The following AKAP12 variants were observed in gnomAD, a reference collection of about 807,000 sequenced individuals.
AKAP12 encodes the protein A-kinase anchoring protein 12, also known as A-kinase anchor protein 12.
In AKAP12, 32 loss-of-function variants were observed where a neutral mutation model predicts 79.9. The ratio of observed to expected loss-of-function variants is 0.40; its 90% CI spans 0.30 to 0.54. The LOEUF is 0.54. Among genes scored for constraint, AKAP12 ranks in the 20% least tolerant of loss-of-function variants. The pLI is 0.48. For synonymous variants in AKAP12, 808 were observed against 857.0 expected (o/e 0.94, Z 1.00); for missense variants, 2,074 against 2,177.0 (o/e 0.95, Z 0.94).
intron 2 of AKAP12, among the ~76,000 whole-genome samples, chr6:151,262,166 G>A (rs1429720881): frequency 2.0e-5 from 3 of 152,010 alleles, no homozygotes; most frequent in East Asian, 3.9e-4. Context: ...GGTCACACTG[G>A]TCTCAGGTGA....
chr6:151,324,372 G>GT lies in AKAP12; in HGVS notation c.319+18473dup, dbSNP rs1159035059. 8.1e-6 allele frequency: 8 copies of GT among 985,278 alleles called. No individual in the cohort carries two copies. The African/African-American group carries it at 1.4e-4, about 17-fold the overall frequency. 61.0% of individuals were successfully genotyped at this position (985,278 alleles called of 1,614,324 possible). On this transcript the variant is annotated intron_variant, in intron 3 of 4. Transcript: ENST00000402676. Reference sequence around the variant, plus strand: ...AGGTCTGGTTACCAGCAAGGAAGCGGTTTTCACGTTGCTCACTCTGGGCCC... The same window carrying GT: ...AGGTCTGGTTACCAGCAAGGAAGCGGTTTTTCACGTTGCTCACTCTGGGCCC...
Position 151,242,252 on chromosome 6 carries a change from G to A in AKAP12, c.162+1528G>A, listed in dbSNP as rs1282630075. 2.6e-5 allele frequency among the ~76,000 whole-genome samples: 4 copies of A among 152,108 alleles called. No individual in the cohort carries two copies. The East Asian group carries it at 5.8e-4, about 22-fold the overall frequency. The stretch of plus-strand genomic sequence containing the variant: ...CCGCCCCGGCTTTTATACTCCTTCA[G>A]ATCTTACTAACTGTTCACCCTGAAA... On this transcript the variant is annotated intron_variant, in intron 2 of 4. Coordinates refer to ENST00000402676, the MANE Select transcript of AKAP12 (RefSeq NM_005100.4).
At chr6:151,291,684 T>C (rs1776624771) in intron 2 of AKAP12, among the ~76,000 whole-genome samples, 1 of 152,234 alleles carries the variant, frequency 6.6e-6, no homozygotes, top group African/African-American at 2.4e-5. Context: ...CTATTAAGCA[T>C]CCACGGACCC....
chr6:151,344,340 G>C (rs1343105644), intron 3 of AKAP12, among the ~76,000 whole-genome samples: 1 of 152,086 alleles, frequency 6.6e-6, no homozygotes, highest in East Asian at 1.9e-4. Flanking sequence ...CCCTTATTGA[G>C]TCTCTGAAGA....
intron 2 of AKAP12, among the ~76,000 whole-genome samples, chr6:151,260,247 TC>T (rs1797398885): frequency 2.0e-5 from 3 of 152,174 alleles, no homozygotes; most frequent in Admixed American, 6.6e-5. Flanking sequence ...CTGGTATCAT[TC>T]CCGTTTTTAA....
intron 2 of AKAP12, among the ~76,000 whole-genome samples, chr6:151,280,031 G>A (rs753163484): frequency 9.9e-5 from 13 of 131,188 alleles, no homozygotes; most frequent in Admixed American, 3.7e-4. Flanking sequence ...ATATCCTTTC[G>A]GTTGTTGTTT....
intron 3 of AKAP12, among the ~76,000 whole-genome samples, chr6:151,318,134 C>G (rs1274984276): frequency 4.6e-5 from 7 of 151,962 alleles, no homozygotes; most frequent in African/African-American, 1.7e-4. Flanking sequence ...AGGGTGGAGC[C>G]CTCATGAATG....
At position 151,349,518 on chromosome 6, in the gene AKAP12, A is replaced by C. The variant is rs781279265; in HGVS notation, c.1127A>C (p.Lys376Thr). Residue 376 changes from lysine (K) to threonine (T), a missense_variant, in exon 4 of 5, where the codon AAA (lysine) becomes ACA (threonine). Lys to Thr is a moderately conservative substitution (Grantham distance 78, BLOSUM62 -1). Around this residue, in one of 3 missense-constraint regions of AKAP12, gnomAD observed 1,428 missense variants for 1,451.0 expected, o/e 0.98. Transcript: ENST00000402676. ...CCCCGGTTATCAGCTGAATATGAGA[A>C]AGTTGAGCTGCCCTCAGAGGAGCAA... ...HEPRLSAEYE[K>T]VELPSEEQVS... 5.2e-5 allele frequency: 84 copies of C among 1,610,444 alleles called. No homozygotes were observed. In the Admixed American group the frequency reaches 1.4e-3, roughly 27 times the overall value.
chr6:151,287,859 A>G (rs1171789595), intron 2 of AKAP12, among the ~76,000 whole-genome samples: 1 of 152,200 alleles, frequency 6.6e-6, no homozygotes, highest in Non-Finnish European at 1.5e-5. Context: ...TGTGGCACAT[A>G]TACACCACGG....
intron 2 of AKAP12, among the ~76,000 whole-genome samples, chr6:151,245,584 G>T (rs1379689335): frequency 1.3e-5 from 2 of 148,700 alleles, no homozygotes; most frequent in Non-Finnish European, 3.0e-5. Flanking sequence ...GGTGGAGCTT[G>T]CAGGGAGCCG....
intron 3 of AKAP12, among the ~76,000 whole-genome samples, chr6:151,319,240 C>T (rs994488140): frequency 6.6e-6 from 1 of 152,042 alleles, no homozygotes; most frequent in African/African-American, 2.4e-5. Flanking sequence ...ATAGCAATAA[C>T]CATGTCTATA....
intron 2 of AKAP12, among the ~76,000 whole-genome samples, chr6:151,275,772 A>G (rs1183034014): frequency 4.6e-5 from 7 of 152,138 alleles, no homozygotes; most frequent in Admixed American, 1.3e-4. Context: ...CCTTCCATCA[A>G]ATGTATGACT....
rs115812129 is a variant in AKAP12, at chr6:151,261,035, A to T, written c.162+20311A>T. 5.6e-3 allele frequency among the ~76,000 whole-genome samples: 858 copies of T among 151,946 alleles called. 7 individuals carry two copies. The highest frequency in any genetic ancestry group is 0.02 in the African/African-American group (815 of 41,438). On this transcript the variant is annotated intron_variant, in intron 2 of 4. Coordinates refer to ENST00000402676, the MANE Select transcript of AKAP12 (RefSeq NM_005100.4). ...CTAAACTCTTTTTCTTCCAGCATGC[A>T]CCTGTGCATTCCCTTATCCTTCACT... is the stretch of plus-strand genomic sequence containing the variant.
intron 3 of AKAP12, among the ~76,000 whole-genome samples, chr6:151,329,161 C>T (rs1212643704): frequency 6.6e-6 from 1 of 152,022 alleles, no homozygotes; most frequent in African/African-American, 2.4e-5. Context: ...GTCACCCAGG[C>T]TGGAGTGCAG....
chr6:151,293,036 G>T (rs555832642), intron 2 of AKAP12, among the ~76,000 whole-genome samples: 1 of 152,310 alleles, frequency 6.6e-6, no homozygotes, highest in South Asian at 2.1e-4. Context: ...TTAAAATCAA[G>T]ACCTTACTTG....
At chr6:151,325,174 A>G (rs530933702) in intron 3 of AKAP12, 2 of 985,424 alleles carry the variant, frequency 2.0e-6, no homozygotes, top group South Asian at 9.4e-5. Flanking sequence ...ACGTGTGTGT[A>G]TGCGTAAGAC....
intron 3 of AKAP12, chr6:151,341,744 T>A (rs1777955769): frequency 7.0e-6 from 9 of 1,279,112 alleles, no homozygotes; most frequent in Non-Finnish European, 7.1e-6. Context: ...GGACACGGAA[T>A]CCCGAGGGCC....
At chr6:151,348,681 C>CCCCCA in intron 3 of AKAP12, 30 bp from the exon 4 acceptor site, 1 of 218,350 alleles carries the variant, frequency 4.6e-6, no homozygotes, top group Non-Finnish European at 9.1e-6. Context: ...TTTCTCTTCT[C>CCCCCA]CCCACCCCCC....
chr6:151,281,681 CCA>C (rs1168826631), intron 2 of AKAP12, among the ~76,000 whole-genome samples: 1 of 152,114 alleles, frequency 6.6e-6, no homozygotes, highest in Non-Finnish European at 1.5e-5. Context: ...ATTCTTTTCT[CCA>C]CACACGTTTG....
Sources: allele counts gnomAD v4.1 joint callset (sites outside exome capture counted in the v4.1 genomes callset), GRCh38; gene constraint gnomAD v4.1.1; regional missense constraint gnomAD v4.1.1; transcripts MANE v1.5; gene names NCBI Gene and HGNC (gene_info 2026-07-23, HGNC 2026-07-21).